Variants in SETBP1 observed in about 807,000 individuals in gnomAD.
The protein encoded by SETBP1 is SET-binding protein.
In SETBP1, 9 loss-of-function variants were observed where a neutral mutation model predicts 101.0. The ratio of observed to expected loss-of-function variants is 0.09; its 90% CI spans 0.05 to 0.16. The LOEUF is 0.16. Ranked by LOEUF, SETBP1 falls within the 10% of genes least tolerant of loss-of-function variation. The pLI is 1.00. For synonymous variants in SETBP1, 818 were observed against 788.5 expected, an observed-to-expected ratio of 1.04 and a Z score of -0.63; for missense variants, 1,858 against 2,033.8, an observed-to-expected ratio of 0.91 and a Z score of 1.66.
At chr18:44,908,464 T>G (rs2070229072) in intron 3 of SETBP1, among the ~76,000 whole-genome samples, 2 of 152,098 alleles carry the variant, frequency 1.3e-5, no homozygotes, top group Admixed American at 1.3e-4. Flanking sequence ...TATTCCCCAT[T>G]ATATTATATT....
chr18:44,774,631 G>T (rs919226887), intron 2 of SETBP1, among the ~76,000 whole-genome samples: 1 of 152,016 alleles, frequency 6.6e-6, no homozygotes, highest in East Asian at 1.9e-4. Flanking sequence ...CGAGCACATG[G>T]GATTATGAAA....
chr18:44,770,012 A>G (rs562419979), intron 2 of SETBP1, among the ~76,000 whole-genome samples: 47 of 152,342 alleles, frequency 3.1e-4, no homozygotes, highest in Admixed American at 5.9e-4. Flanking sequence ...CCTGACTCCT[A>G]GTGGATCCTG....
chr18:44,784,359 T>A (rs1050439673), intron 2 of SETBP1, among the ~76,000 whole-genome samples: 1 of 152,216 alleles, frequency 6.6e-6, no homozygotes, highest in Non-Finnish European at 1.5e-5. Flanking sequence ...TATTCTTGCC[T>A]TTCTGTTCTT....
At chr18:44,878,215 A>G (rs2069453348) in intron 3 of SETBP1, among the ~76,000 whole-genome samples, 2 of 152,256 alleles carry the variant, frequency 1.3e-5, no homozygotes, top group Non-Finnish European at 2.9e-5. Context: ...GTAACTTTGA[A>G]TGATACCCTT....
intron 4 of SETBP1, among the ~76,000 whole-genome samples, chr18:45,004,364 T>C (rs540231243): frequency 3.3e-4 from 51 of 152,372 alleles, no homozygotes; most frequent in African/African-American, 1.2e-3. Context: ...GGCCTCATTG[T>C]ACCTTGGGTG....
At chr18:44,940,595 A>C (rs1395458195) in intron 3 of SETBP1, among the ~76,000 whole-genome samples, 1 of 152,102 alleles carries the variant, frequency 6.6e-6, no homozygotes, top group Middle Eastern at 3.2e-3. Flanking sequence ...TCTACTTTGA[A>C]CTAATATTAC....
At chr18:45,009,454 T>A (rs919845863) in intron 4 of SETBP1, among the ~76,000 whole-genome samples, 2 of 151,760 alleles carry the variant, frequency 1.3e-5, no homozygotes, top group Non-Finnish European at 2.9e-5. Context: ...GCAGTGGCTT[T>A]AAGAGGGTAT....
In SETBP1 at chr18:45,063,519, C is replaced by G; in HGVS notation, c.4612C>G (p.Leu1538Val). 1 of 1,378,970 alleles carries G rather than the reference C, an allele frequency of 7.3e-7. No homozygotes were observed. The allele number at this position is 1,378,970 out of a possible 1,614,324, so 85.4% of individuals were successfully genotyped here. The change falls in exon 6 of 6, where the codon CTG becomes GTG. Residue 1538 changes from leucine to valine, a missense_variant. This residue lies in a region of SETBP1 where 178 missense variants were observed against 189.1 expected (regional missense o/e 0.94). Coordinates refer to ENST00000649279, the MANE Select transcript of SETBP1 (RefSeq NM_015559.3). ...PPLPPPPPPP[L>V]PPPPPLPKTP... ...CCTGCCGCCACCGCCGCCACCACCC[C>G]TGCCCCCGCCACCCCCTCTACCCAA... is the stretch of plus-strand genomic sequence containing the variant.
chr18:44,899,497 G>C (rs1427731992), intron 3 of SETBP1, among the ~76,000 whole-genome samples: 2 of 152,160 alleles, frequency 1.3e-5, no homozygotes, highest in Non-Finnish European at 2.9e-5. Context: ...ATGTAGGAGA[G>C]AGCTCCAAGC....
intron 4 of SETBP1, among the ~76,000 whole-genome samples, chr18:44,995,297 A>G (rs1188769274): frequency 1.3e-5 from 2 of 151,810 alleles, no homozygotes; most frequent in African/African-American, 2.4e-5. Context: ...ACCTGCCACC[A>G]TGCCCGACTA....
intron 2 of SETBP1, among the ~76,000 whole-genome samples, chr18:44,820,319 G>A (rs937358821): frequency 1.3e-5 from 2 of 152,180 alleles, no homozygotes; most frequent in Non-Finnish European, 2.9e-5. Flanking sequence ...TCTGGGGGAG[G>A]ACACCAGAAT....
At chr18:44,996,882 G>A (rs2072508658) in intron 4 of SETBP1, among the ~76,000 whole-genome samples, 1 of 152,152 alleles carries the variant, frequency 6.6e-6, no homozygotes, top group Non-Finnish European at 1.5e-5. Flanking sequence ...AAAAGGGTAG[G>A]AAAAAGGCAA....
intron 5 of SETBP1, among the ~76,000 whole-genome samples, chr18:45,060,983 T>C (rs1241834639): frequency 6.6e-6 from 1 of 152,222 alleles, no homozygotes; most frequent in African/African-American, 2.4e-5. Flanking sequence ...ACTTTATTCT[T>C]TCATGCTATT....
intron 2 of SETBP1, among the ~76,000 whole-genome samples, chr18:44,858,488 A>T (rs1016659852): frequency 5.3e-5 from 8 of 152,220 alleles, no homozygotes; most frequent in African/African-American, 1.9e-4. Context: ...CAAGCAAATA[A>T]CCTGATTTAA....
intron 3 of SETBP1, chr18:44,876,665 C>G (rs1391155167): frequency 6.4e-7 from 1 of 1,550,860 alleles, no homozygotes; most frequent in East Asian, 2.4e-5. Flanking sequence ...ATGTGCTTCT[C>G]ATGCCCCCGG....
chr18:45,063,879 G>A lies in SETBP1; in HGVS notation c.*181G>A. The stretch of plus-strand genomic sequence containing the variant: ...CATCAGGAGCTCTTGGGAAAGCAAA[G>A]CAGGGAGACACCTTCAGAAGAAGCT... On this transcript the variant is annotated 3_prime_UTR_variant, in exon 6 of 6. Transcript: ENST00000649279. The A allele has an allele frequency of 1.6e-6, 1 of 610,722 alleles. No individual in the cohort carries two copies. Among genetic ancestry groups the A allele is most frequent in the Non-Finnish European group, 2.9e-6 (1 of 349,710 alleles). The allele number at this position is 610,722 out of a possible 1,614,324, so 37.8% of individuals were successfully genotyped here.
intron 2 of SETBP1, among the ~76,000 whole-genome samples, chr18:44,762,138 C>CTTT (rs55990761): frequency 1.2e-3 from 180 of 149,282 alleles, no homozygotes; most frequent in African/African-American, 3.2e-3. Flanking sequence ...CTTCTAAACA[C>CTTT]TTTTTTTTTT....
intron 2 of SETBP1, among the ~76,000 whole-genome samples, chr18:44,859,222 T>C (rs1443591967): frequency 2.0e-5 from 3 of 152,098 alleles, no homozygotes; most frequent in African/African-American, 7.2e-5. Context: ...AAAGTCAGCT[T>C]GAGTTTAGAA....
chr18:44,719,397 G>C lies in SETBP1; in HGVS notation c.486+17565G>C, dbSNP rs201274389. On this transcript the variant is annotated intron_variant, in intron 2 of 5. Coordinates refer to ENST00000649279, the MANE Select transcript of SETBP1 (RefSeq NM_015559.3). Reference sequence around the variant, plus strand: ...GGTATGTGCGTATGGGCGGCACCAGGATTTCAAGGTCTGAAGGGAAGGACT... The same window carrying C: ...GGTATGTGCGTATGGGCGGCACCAGCATTTCAAGGTCTGAAGGGAAGGACT... Among the ~76,000 whole-genome samples the C allele has an allele frequency of 3.3e-5, 5 of 152,298 alleles. No homozygotes were observed. The East Asian group carries it at 9.7e-4, about 29-fold the overall frequency.
Sources: gnomAD v4.1 joint callset for allele counts (sites outside exome capture counted in the v4.1 genomes callset) on GRCh38, gnomAD v4.1.1 for gene constraint, gnomAD v4.1.1 regional missense constraint, MANE v1.5 for transcripts, NCBI Gene and HGNC (gene_info 2026-07-23, HGNC 2026-07-21) for gene names.